Variants in PHKB observed in about 807,000 individuals in gnomAD.
PHKB encodes phosphorylase kinase regulatory subunit beta.
Under a neutral mutation model 152.1 loss-of-function variants are expected in PHKB, and 122 were observed. The observed-to-expected ratio is 0.80, with a 90% confidence interval of 0.69 to 0.93. PHKB has a LOEUF of 0.93. Ranked by LOEUF, PHKB falls within the 40% of genes least tolerant of loss-of-function variation. The pLI is 0.00. For missense variants in PHKB, 1,304 were observed against 1,328.4 expected, an observed-to-expected ratio of 0.98 and a Z score of 0.29; for synonymous variants, 436 against 464.9, an observed-to-expected ratio of 0.94 and a Z score of 0.80.
intron 1 of PHKB, among the ~76,000 whole-genome samples, chr16:47,478,879 A>T (rs1361488537): frequency 6.6e-6 from 1 of 152,200 alleles, no homozygotes; most frequent in Admixed American, 6.5e-5. Flanking sequence ...GGTGAATTAC[A>T]GTAGCATAAA....
intron 13 of PHKB, among the ~76,000 whole-genome samples, chr16:47,600,223 T>G (rs1248902003): frequency 6.6e-6 from 1 of 152,158 alleles, no homozygotes; most frequent in African/African-American, 2.4e-5. Context: ...CAGTATGCTA[T>G]TTCCTGAACC....
chr16:47,548,986 A>T (rs1490698335), intron 7 of PHKB, among the ~76,000 whole-genome samples: 1 of 152,230 alleles, frequency 6.6e-6, no homozygotes, highest in Non-Finnish European at 1.5e-5. Context: ...GGACTTTCAG[A>T]TTAATCCTTA....
intron 8 of PHKB, among the ~76,000 whole-genome samples, chr16:47,584,875 GA>G (rs1404831676): frequency 4.5e-4 from 69 of 152,172 alleles, no homozygotes; most frequent in African/African-American, 1.6e-3. Context: ...GATTAATGAA[GA>G]AAAGAAAGAT....
At chr16:47,644,257 C>G (rs1209896523) in intron 16 of PHKB, among the ~76,000 whole-genome samples, 2 of 152,192 alleles carry the variant, frequency 1.3e-5, no homozygotes, top group African/African-American at 2.4e-5. Flanking sequence ...GCTTACAAAG[C>G]ACTGTTTCTG....
At chr16:47,683,667 C>T (rs917821091) in intron 26 of PHKB, among the ~76,000 whole-genome samples, 18 of 152,322 alleles carry the variant, frequency 1.2e-4, no homozygotes, top group Non-Finnish European at 1.9e-4. Flanking sequence ...TCTGTCACCC[C>T]TTTCTTTGAC....
intron 26 of PHKB, 81 bp from the exon 27 acceptor site, chr16:47,688,960 T>C: frequency 6.9e-7 from 1 of 1,442,642 alleles, no homozygotes; most frequent in South Asian, 1.1e-5. Flanking sequence ...GGGTCAGTGC[T>C]ATTAAGGGCA....
chr16:47,682,409 G>A (rs528673147), intron 26 of PHKB, among the ~76,000 whole-genome samples: 11 of 152,278 alleles, frequency 7.2e-5, no homozygotes, highest in African/African-American at 9.6e-5. Context: ...CCAATCAGAC[G>A]TAGATTTGCT....
chr16:47,586,836 G>A (rs1242511142), intron 8 of PHKB, among the ~76,000 whole-genome samples: 12 of 151,900 alleles, frequency 7.9e-5, no homozygotes, highest in African/African-American at 2.7e-4. Context: ...GAATGCACTA[G>A]TTTTAACCTG....
chr16:47,694,819 C>G (rs533901036), intron 28 of PHKB, among the ~76,000 whole-genome samples: 13 of 152,332 alleles, frequency 8.5e-5, no homozygotes, highest in Admixed American at 7.2e-4. Context: ...TTGTTAGCTT[C>G]TTTCTCAGCC....
chr16:47,637,027 A>G (rs112974983), intron 14 of PHKB, among the ~76,000 whole-genome samples: 3 of 152,102 alleles, frequency 2.0e-5, no homozygotes, highest in Non-Finnish European at 2.9e-5. Flanking sequence ...GGACAGATGT[A>G]GGGACTACCA....
At chr16:47,692,784 TTC>T (rs1207285868) in intron 27 of PHKB, among the ~76,000 whole-genome samples, 2 of 152,218 alleles carry the variant, frequency 1.3e-5, no homozygotes, top group Non-Finnish European at 2.9e-5. Context: ...TATCACTACA[TTC>T]TGTTATTATA....
chr16:47,638,285 A>G (rs186634686), intron 14 of PHKB, among the ~76,000 whole-genome samples: 236 of 152,336 alleles, frequency 1.5e-3, no homozygotes, highest in Non-Finnish European at 1.4e-3. Context: ...CTAGGGCAAC[A>G]TAGGCATTAT....
At chr16:47,543,943 A>G (rs886150283) in intron 6 of PHKB, among the ~76,000 whole-genome samples, 9 of 151,960 alleles carry the variant, frequency 5.9e-5, no homozygotes, top group African/African-American at 2.2e-4. Flanking sequence ...ATCTATTTTT[A>G]TTACAATCTA....
chr16:47,629,463 A>G (rs1346025932), intron 14 of PHKB, among the ~76,000 whole-genome samples: 1 of 151,928 alleles, frequency 6.6e-6, no homozygotes, highest in African/African-American at 2.4e-5. Flanking sequence ...GCAAATCAAA[A>G]CCACAATGAG....
intron 26 of PHKB, among the ~76,000 whole-genome samples, chr16:47,677,508 C>A (rs1416402978): frequency 6.6e-6 from 1 of 152,174 alleles, no homozygotes; most frequent in Non-Finnish European, 1.5e-5. Context: ...TGAGGGCTCT[C>A]CTCCTGGCTT....
At chr16:47,643,532 G>A (rs1973062815) in intron 16 of PHKB, among the ~76,000 whole-genome samples, 1 of 152,204 alleles carries the variant, frequency 6.6e-6, no homozygotes, top group Non-Finnish European at 1.5e-5. Context: ...AGACTTGTGA[G>A]CAAGAGCCAA....
intron 7 of PHKB, among the ~76,000 whole-genome samples, chr16:47,569,790 T>A (rs1475609434): frequency 6.6e-6 from 1 of 151,996 alleles, no homozygotes; most frequent in Non-Finnish European, 1.5e-5. Flanking sequence ...CCTGGCTAAT[T>A]TTTGTATTTT....
chr16:47,631,272 T>C (rs975320329), intron 14 of PHKB, among the ~76,000 whole-genome samples: 4 of 152,164 alleles, frequency 2.6e-5, no homozygotes, highest in Non-Finnish European at 5.9e-5. Context: ...CAGGTTAAAC[T>C]CTATCACTGA....
intron 8 of PHKB, among the ~76,000 whole-genome samples, chr16:47,581,674 TG>T (rs1391982361): frequency 1.1e-4 from 17 of 152,198 alleles, no homozygotes; most frequent in African/African-American, 3.9e-4. Flanking sequence ...TTGTTGCTAT[TG>T]TTTTTTTTAT....
Sources: allele counts gnomAD v4.1 joint callset (sites outside exome capture counted in the v4.1 genomes callset), GRCh38; gene constraint gnomAD v4.1.1; transcripts MANE v1.5; gene names NCBI Gene and HGNC (gene_info 2026-07-23, HGNC 2026-07-21).